The following TSSK3 variants were observed in gnomAD, a reference collection of about 807,000 sequenced individuals.
TSSK3 encodes the protein testis specific serine kinase 3.
A neutral mutation model predicts 18.9 loss-of-function variants in TSSK3; 16 were observed. The ratio of observed to expected loss-of-function variants is 0.85; its 90% CI spans 0.57 to 1.28. The LOEUF is 1.28. Among genes scored for constraint, TSSK3 ranks in the 50% most tolerant of loss-of-function variants. The pLI is 0.00. For synonymous variants in TSSK3, 146 were observed against 133.9 expected, an observed-to-expected ratio of 1.09 and a Z score of -0.62; for missense variants, 345 against 341.0, an observed-to-expected ratio of 1.01 and a Z score of -0.09.
In TSSK3 at chr1:32,363,978, G is replaced by T; in HGVS notation, c.529G>T (p.Ala177Ser). Reference protein sequence around the residue: ...QTFCGSTAYAAPEVLQGIPHD... With the variant: ...QTFCGSTAYASPEVLQGIPHD... ...CTTCTGCGGCAGTACAGCCTATGCTGCCCCCGAGGTGCTGCAGGGCATTCC... is the reference window on the plus strand; with the variant it reads ...CTTCTGCGGCAGTACAGCCTATGCTTCCCCCGAGGTGCTGCAGGGCATTCC... The change falls in exon 2 of 2, where the codon GCC (alanine) becomes TCC (serine). Residue 177 changes from alanine (A) to serine (S), a missense_variant. Ala to Ser is a moderately conservative substitution (Grantham distance 99, BLOSUM62 1). Transcript: ENST00000373534. 1 of 1,614,276 alleles carries T rather than the reference G, an allele frequency of 6.2e-7. No homozygotes were observed.
rs775934950 is a variant in TSSK3 at position 32,363,886 on chromosome 1, A to T, written c.437A>T (p.Asn146Ile). ...GAGAACGCCTTGTTGCAGGGCTTCA[A>T]CCTGAAGCTGACTGACTTTGGCTTT... The part of the protein sequence containing the change: ...KCENALLQGF[N>I]LKLTDFGFAK... The change falls in exon 2 of 2, where the codon AAC (asparagine) becomes ATC (isoleucine). Residue 146 changes from asparagine to isoleucine, a missense_variant. Transcript: ENST00000373534. 1 of 1,614,174 alleles carries T rather than the reference A, an allele frequency of 6.2e-7. No individual in the cohort carries two copies. The highest frequency in any genetic ancestry group is 1.1e-5 in the South Asian group (1 of 91,082).
intron 1 of TSSK3, 167 bp from the exon 2 acceptor site, chr1:32,363,428 T>G (rs1360392245): frequency 5.6e-5 from 37 of 658,160 alleles, no homozygotes; most frequent in South Asian, 2.0e-4. Flanking sequence ...ATAATAGAAG[T>G]GAACATTCTT....
In TSSK3 at chr1:32,362,692, G is replaced by A. The variant is rs1411810530; in HGVS notation, c.-10G>A. 1.9e-6 allele frequency: 3 copies of A among 1,614,146 alleles called. No homozygotes were observed. Among genetic ancestry groups the A allele is most frequent in the Admixed American group, 1.7e-5 (1 of 60,018 alleles). On this transcript the variant is annotated 5_prime_UTR_variant, in exon 1 of 2. Coordinates refer to ENST00000373534, the MANE Select transcript of TSSK3 (RefSeq NM_052841.4). ...GCTGAGAGGGTGATAGGAAGGCGGC[G>A]CTAGACAGCATGGAGGACTTTCTGC...
At position 32,362,643 on chromosome 1, in the gene TSSK3, A is replaced by T; in HGVS notation, c.-59A>T. 1 of 1,591,596 alleles carries T rather than the reference A, an allele frequency of 6.3e-7. No individual in the cohort carries two copies. The highest frequency in any genetic ancestry group is 8.6e-7 in the Non-Finnish European group (1 of 1,165,090). ...CAGGCCAAGGGCGATGGTGGAGTAG[A>T]GCTGCCTCTCAGAGGCAGCATGAGC... On this transcript the variant is annotated 5_prime_UTR_variant, in exon 1 of 2. Transcript: ENST00000373534.
chr1:32,363,349 C>G, intron 1 of TSSK3: 1 of 524,132 alleles, frequency 1.9e-6, no homozygotes. Context: ...TCCAGTCTCA[C>G]AGACTGCTCA....
intron 1 of TSSK3, 127 bp downstream of exon 1, chr1:32,362,973 G>C (rs931809459): frequency 3.5e-6 from 4 of 1,153,520 alleles, no homozygotes; most frequent in African/African-American, 3.0e-5. Flanking sequence ...AAGCAAGCCC[G>C]ATGGCAGCTC....
At position 32,363,636 on chromosome 1, in the gene TSSK3, C is replaced by A; in HGVS notation, c.187C>A (p.Arg63Ser). 1 of 1,614,136 alleles carries A rather than the reference C, an allele frequency of 6.2e-7. No homozygotes were observed. The highest frequency in any genetic ancestry group is 1.3e-5 in the African/African-American group (1 of 75,044). The change falls in exon 2 of 2, where the codon CGT becomes AGT. Residue 63 changes from arginine (R) to serine (S), a missense_variant. Arg to Ser is a moderately radical substitution (Grantham distance 110). Transcript: ENST00000373534. Reference sequence around the variant, plus strand: ...CCTCCCTCGGGAGCTCCAAATCGTCCGTACCCTGGACCACAAGAACATCAT... The same window carrying A: ...CCTCCCTCGGGAGCTCCAAATCGTCAGTACCCTGGACCACAAGAACATCAT... ...RFLPRELQIV[R>S]TLDHKNIIQV...
rs201078295 is a variant in TSSK3 at position 32,364,206 on chromosome 1, C to A, written c.757C>A (p.Arg253=). 6.2e-7 allele frequency: 1 copy of A among 1,609,732 alleles called. No individual in the cohort carries two copies. The highest frequency in any genetic ancestry group is 8.5e-7 in the Non-Finnish European group (1 of 1,176,366). Reference sequence around the variant, plus strand: ...GCTCCTGGAACCCGATATGATCCTCCGGCCTTCAATTGAAGAAGTTAGTTG... The same window carrying A: ...GCTCCTGGAACCCGATATGATCCTCAGGCCTTCAATTGAAGAAGTTAGTTG... The part of the protein sequence containing the change: ...KRLLEPDMIL[R]PSIEEVSWHP... The change falls in exon 2 of 2, where the codon CGG becomes AGG. Residue 253 remains arginine (R), a synonymous_variant. Coordinates refer to ENST00000373534, the MANE Select transcript of TSSK3 (RefSeq NM_052841.4).
At chr1:32,362,922 A>ACGAT in intron 1 of TSSK3, 76 bp downstream of exon 1, 1 of 1,546,488 alleles carries the variant, frequency 6.5e-7, no homozygotes, top group Non-Finnish European at 8.9e-7. Context: ...GTTTGTTAGA[A>ACGAT]CGATCATTCG....
rs769512239 is a variant in TSSK3 at position 32,363,570 on chromosome 1, A to G, written c.146-25A>G. Reference sequence around the variant, plus strand: ...GTGGGCCTTTCTGATCTGCCAGCCCATCTCTCCTCCCCTTACTTCCTCAGA... The same window carrying G: ...GTGGGCCTTTCTGATCTGCCAGCCCGTCTCTCCTCCCCTTACTTCCTCAGA... On this transcript the variant is annotated intron_variant, in intron 1 of 1. Coordinates refer to ENST00000373534, the MANE Select transcript of TSSK3 (RefSeq NM_052841.4). 10 of 1,587,802 alleles carry G rather than the reference A, an allele frequency of 6.3e-6. No individual in the cohort carries two copies. The Middle Eastern group carries it at 6.5e-4, about 103-fold the overall frequency.
rs1428802202 is a variant in TSSK3, at chr1:32,363,797, T to A, written c.348T>A (p.Arg116=). The A allele has an allele frequency of 6.2e-7, 1 of 1,614,118 alleles. No homozygotes were observed. The highest frequency in any genetic ancestry group is 8.5e-7 in the Non-Finnish European group (1 of 1,180,048). The change falls in exon 2 of 2, where the codon CGT becomes CGA. Residue 116 remains arginine (R), a synonymous_variant. Transcript: ENST00000373534. ...LPESRAKALF[R]QMVEAIRYCH... ...AAAGCCGGGCCAAGGCCCTCTTCCG[T>A]CAGATGGTTGAGGCCATCCGCTACT... is the stretch of plus-strand genomic sequence containing the variant.
At chr1:32,362,927 C>CGAATGATCGTTCTA in intron 1 of TSSK3, 81 bp downstream of exon 1, 1 of 1,512,972 alleles carries the variant, frequency 6.6e-7, no homozygotes, top group Non-Finnish European at 9.1e-7. Context: ...TTAGAACGAT[C>CGAATGATCGTTCTA]ATTCGATCAT....
intron 1 of TSSK3, 69 bp downstream of exon 1, chr1:32,362,915 T>G: frequency 6.4e-7 from 1 of 1,560,088 alleles, no homozygotes; most frequent in South Asian, 1.1e-5. Context: ...TCCTCCTGTT[T>G]GTTAGAACGA....
At chr1:32,363,083 G>A (rs968020060) in intron 1 of TSSK3, 2 of 511,886 alleles carry the variant, frequency 3.9e-6, no homozygotes. Flanking sequence ...AGGATCCTCA[G>A]AGGCAAAACC....
rs1557626771 is a variant in TSSK3, at chr1:32,362,798, CAAAGA to C, written c.102_106del (p.Arg34SerfsTer4). The C allele has an allele frequency of 1.9e-6, 3 of 1,614,162 alleles. No individual in the cohort carries two copies. The highest frequency in any genetic ancestry group is 1.7e-6 in the Non-Finnish European group (2 of 1,180,022). ...CAAAGAAGCATTTTCCAAAAAACACCAAAGAAAAGTGGCAATTAAAGTTATAGACA... is the reference window on the plus strand; with the variant it reads ...CAAAGAAGCATTTTCCAAAAAACACCAAAGTGGCAATTAAAGTTATAGACA... On this transcript the variant is annotated frameshift_variant, in exon 1 of 2. Coordinates refer to ENST00000373534, the MANE Select transcript of TSSK3 (RefSeq NM_052841.4). LOFTEE classifies it high-confidence loss of function.
intron 1 of TSSK3, 117 bp from the exon 2 acceptor site, chr1:32,363,478 G>T: frequency 3.1e-6 from 3 of 978,516 alleles, no homozygotes; most frequent in Non-Finnish European, 4.5e-6. Flanking sequence ...AGACCATTAA[G>T]AAAGCCAAGA....
rs1374880686 is a variant in TSSK3, at chr1:32,362,767, A to C, written c.66A>C (p.Ser22=). 2 of 1,614,058 alleles carry C rather than the reference A, an allele frequency of 1.2e-6. No homozygotes were observed. Among genetic ancestry groups the C allele is most frequent in the African/African-American group, 1.3e-5 (1 of 74,922 alleles). The stretch of plus-strand genomic sequence containing the variant: ...AGACCATTGGGGAAGGGACCTACTC[A>C]AAAGTCAAAGAAGCATTTTCCAAAA... ...LGKTIGEGTY[S]KVKEAFSKKH... Residue 22 remains serine, a synonymous_variant, in exon 1 of 2, where the codon TCA becomes TCC. Transcript: ENST00000373534.
chr1:32,363,376 T>C, intron 1 of TSSK3: 1 of 568,938 alleles, frequency 1.8e-6, no homozygotes, highest in South Asian at 2.2e-5. Context: ...TCCACAAGGC[T>C]GGTGGGGAGT....
intron 1 of TSSK3, 169 bp downstream of exon 1, chr1:32,363,015 T>C: frequency 8.2e-6 from 6 of 731,088 alleles, no homozygotes; most frequent in Non-Finnish European, 1.4e-5. Flanking sequence ...AGAGGGGTTC[T>C]GGGAGTCCAG....
Sources: allele counts gnomAD v4.1 joint callset, GRCh38; gene constraint gnomAD v4.1.1; transcripts MANE v1.5; gene names NCBI Gene and HGNC (gene_info 2026-07-23, HGNC 2026-07-21).